REDIC1: variants seen among roughly 807,000 people sequenced by gnomAD.
REDIC1 encodes the protein regulator of DNA class I crossover intermediates 1.
the REDIC1 span, chr12:39,643,991 T>C: frequency 2.5e-6 from 3 of 1,209,478 alleles, no homozygotes; most frequent in African/African-American, 4.8e-5. Flanking sequence ...AATTAGTTTG[T>C]AATTTTTGAG....
At chr12:39,671,083 T>C in the REDIC1 span, among the ~76,000 whole-genome samples, 2,113 of 152,304 alleles carry the variant, frequency 0.014, 47 homozygotes, top group African/African-American at 0.047. Context: ...TGTGTTCTTT[T>C]GAAGGTGCCA....
At chr12:39,646,947 G>A in the REDIC1 span, 2 of 1,128,974 alleles carry the variant, frequency 1.8e-6, no homozygotes, top group East Asian at 2.5e-5. Flanking sequence ...GCTACCTAAT[G>A]ATCTAAATGT....
chr12:39,650,735 T>C, the REDIC1 span, among the ~76,000 whole-genome samples: 1 of 152,034 alleles, frequency 6.6e-6, no homozygotes, highest in Non-Finnish European at 1.5e-5. This position sits in a 1 kb window ranked among gnomAD's most constrained non-coding sequence, Gnocchi z 4.3. Flanking sequence ...CCACAGCCAA[T>C]TGGCTAATTT....
chr12:39,807,173 T>C, the REDIC1 span, among the ~76,000 whole-genome samples: 19 of 152,198 alleles, frequency 1.2e-4, no homozygotes, highest in Non-Finnish European at 2.5e-4. Flanking sequence ...TGCGCCAACC[T>C]AGTGGTCATG....
chr12:39,749,474 C>G, the REDIC1 span, among the ~76,000 whole-genome samples: 1 of 152,182 alleles, frequency 6.6e-6, no homozygotes, highest in Non-Finnish European at 1.5e-5. Context: ...GATTCACAGT[C>G]GAATTCTACC....
chr12:39,665,792 C>T, the REDIC1 span, among the ~76,000 whole-genome samples: 2 of 146,896 alleles, frequency 1.4e-5, no homozygotes, highest in Non-Finnish European at 3.0e-5. Context: ...CCTTCACATC[C>T]CTTGTAAGTT....
chr12:39,704,567 A>T, the REDIC1 span, among the ~76,000 whole-genome samples: 8 of 152,026 alleles, frequency 5.3e-5, no homozygotes, highest in Non-Finnish European at 7.4e-5. Context: ...CCATCCCATT[A>T]CTGGGTATAT....
the REDIC1 span, among the ~76,000 whole-genome samples, chr12:39,823,201 A>T: frequency 6.6e-6 from 1 of 152,208 alleles, no homozygotes; most frequent in East Asian, 1.9e-4. Flanking sequence ...AGTCAAATGG[A>T]TTAAAATATT....
chr12:39,884,343 A>C, the REDIC1 span, among the ~76,000 whole-genome samples: 1 of 152,226 alleles, frequency 6.6e-6, no homozygotes, highest in African/African-American at 2.4e-5. Context: ...ATGTCTTCAG[A>C]AAATAAAAGA....
the REDIC1 span, among the ~76,000 whole-genome samples, chr12:39,798,727 A>T: frequency 6.6e-6 from 1 of 152,266 alleles, no homozygotes; most frequent in East Asian, 1.9e-4. Flanking sequence ...ACCTTCTGGG[A>T]CATTTCTCAT....
chr12:39,866,132 G>A, the REDIC1 span, among the ~76,000 whole-genome samples: 1 of 152,166 alleles, frequency 6.6e-6, no homozygotes, highest in African/African-American at 2.4e-5. Flanking sequence ...AGTAGTTAAG[G>A]TTTTATTAGT....
At chr12:39,676,016 A>T in the REDIC1 span, among the ~76,000 whole-genome samples, 8 of 152,210 alleles carry the variant, frequency 5.3e-5, no homozygotes, top group Admixed American at 5.2e-4. Flanking sequence ...CAGAAAAGTA[A>T]TTCTGGTACT....
the REDIC1 span, among the ~76,000 whole-genome samples, chr12:39,853,593 C>A: frequency 6.6e-6 from 1 of 150,488 alleles, no homozygotes; most frequent in Non-Finnish European, 1.5e-5. Flanking sequence ...TTCCTTCCTT[C>A]CTTTTCTTTC....
At chr12:39,885,301 T>C in the REDIC1 span, among the ~76,000 whole-genome samples, 14 of 152,104 alleles carry the variant, frequency 9.2e-5, no homozygotes, top group African/African-American at 3.1e-4. Flanking sequence ...CATCTCCCGA[T>C]GAAAAGAGTG....
the REDIC1 span, among the ~76,000 whole-genome samples, chr12:39,811,211 G>A: frequency 5.9e-5 from 9 of 152,004 alleles, no homozygotes; most frequent in African/African-American, 2.2e-4. Flanking sequence ...CTCCCTAAAC[G>A]AGTCCAGCTA....
the REDIC1 span, among the ~76,000 whole-genome samples, chr12:39,692,919 A>C: frequency 6.6e-6 from 1 of 152,082 alleles, no homozygotes; most frequent in Non-Finnish European, 1.5e-5. Context: ...AAGGGATAAC[A>C]GTCTTGGTTG....
At chr12:39,695,512 T>C in the REDIC1 span, among the ~76,000 whole-genome samples, 1 of 152,240 alleles carries the variant, frequency 6.6e-6, no homozygotes, top group East Asian at 1.9e-4. Flanking sequence ...GAGGTTCATC[T>C]GCCTTTGGAA....
chr12:39,695,141 C>A, the REDIC1 span, among the ~76,000 whole-genome samples: 1 of 152,144 alleles, frequency 6.6e-6, no homozygotes, highest in East Asian at 1.9e-4. Context: ...GACTCTGATA[C>A]TTGGTGGCAT....
the REDIC1 span, among the ~76,000 whole-genome samples, chr12:39,700,310 C>T: frequency 5.9e-5 from 9 of 152,028 alleles, no homozygotes; most frequent in Admixed American, 6.5e-5. Context: ...CCTCAGGAGC[C>T]GATGCGATCA....
Sources: gnomAD v4.1 joint callset for allele counts (sites outside exome capture counted in the v4.1 genomes callset) on GRCh38, gnomAD v4.1.1 for gene constraint, Gnocchi (gnomAD v3.1) non-coding constraint, MANE v1.5 for transcripts, NCBI Gene and HGNC (gene_info 2026-07-23, HGNC 2026-07-21) for gene names.